Variants in PRKN observed in about 807,000 individuals in gnomAD.
PRKN encodes E3 ubiquitin-protein ligase parkin.
A neutral mutation model predicts 59.5 loss-of-function variants in PRKN; 56 were observed. The ratio of observed to expected loss-of-function variants is 0.94; its 90% CI spans 0.76 to 1.18. PRKN has a LOEUF of 1.18. Among genes scored for constraint, PRKN ranks in the 50% most tolerant of loss-of-function variants. PRKN has a pLI of 0.00. For synonymous variants in PRKN, 250 were observed against 222.1 expected, an observed-to-expected ratio of 1.13 and a Z score of -1.12; for missense variants, 657 against 596.4, an observed-to-expected ratio of 1.10 and a Z score of -1.06.
chr6:162,240,513 T>C (rs1562606297), intron 3 of PRKN, among the ~76,000 whole-genome samples: 1 of 152,176 alleles, frequency 6.6e-6, no homozygotes, highest in East Asian at 1.9e-4. Flanking sequence ...TTATTTCTAT[T>C]TTGAAAAATT....
At chr6:162,390,375 G>GTATATATATATATATATATATATATATA (rs369827763) in intron 2 of PRKN, among the ~76,000 whole-genome samples, 22 of 98,798 alleles carry the variant, frequency 2.2e-4, no homozygotes, top group South Asian at 3.2e-4. Flanking sequence ...TACTGCTAAG[G>GTATATATATATATATATATATATATATA]TATATATATA....
At chr6:161,971,747 C>CATTTTA (rs1780816529) in intron 6 of PRKN, among the ~76,000 whole-genome samples, 2 of 152,144 alleles carry the variant, frequency 1.3e-5, no homozygotes, top group Admixed American at 1.3e-4. Flanking sequence ...TATTAATCAA[C>CATTTTA]ATTTTAATTT....
In PRKN at chr6:161,396,416, C is replaced by A. The variant is rs1377283952; in HGVS notation, c.1084-9539G>T. Among the ~76,000 whole-genome samples, 1 of 152,166 alleles carries A rather than the reference C, an allele frequency of 6.6e-6. No individual in the cohort carries two copies. Among genetic ancestry groups the A allele is most frequent in the Non-Finnish European group, 1.5e-5 (1 of 68,028 alleles). On this transcript the variant is annotated intron_variant, in intron 9 of 11. Transcript: ENST00000366898. The surrounding 1 kb of genome is among the most constrained non-coding windows in gnomAD (Gnocchi z 5.4). ...CTGCCCAATTTTGCTTTAAAATGAG[C>A]ATTTCTCAGACCTTATGGAGCAGTT...
chr6:161,420,071 T>C lies in PRKN; in HGVS notation c.1084-33194A>G, dbSNP rs183738692. On this transcript the variant is annotated intron_variant, in intron 9 of 11. Coordinates refer to ENST00000366898, the MANE Select transcript of PRKN (RefSeq NM_004562.3). ...GGCTAACACGGTGAAACCCCGTCTC[T>C]ACTAAAAATACAAAAAATTAGCTGG... Among the ~76,000 whole-genome samples, 89 of 151,910 alleles carry C rather than the reference T, an allele frequency of 5.9e-4. 3 individuals carry two copies. In the East Asian group the frequency reaches 0.017, roughly 28 times the overall value.
At chr6:161,507,695 G>A (rs1778226071) in intron 9 of PRKN, among the ~76,000 whole-genome samples, 1 of 151,898 alleles carries the variant, frequency 6.6e-6, no homozygotes, top group Non-Finnish European at 1.5e-5. Context: ...TGCTCCTGAT[G>A]GTACCATGCA....
chr6:161,430,023 G>A (rs1205750083), intron 9 of PRKN, among the ~76,000 whole-genome samples: 1 of 152,156 alleles, frequency 6.6e-6, no homozygotes, highest in Non-Finnish European at 1.5e-5. Flanking sequence ...TTCTCACAGG[G>A]TGGTTTGAAA....
intron 7 of PRKN, among the ~76,000 whole-genome samples, chr6:161,724,842 T>C (rs1225322347): frequency 6.6e-6 from 1 of 152,118 alleles, no homozygotes; most frequent in Non-Finnish European, 1.5e-5. Context: ...TCATGTTGAA[T>C]TGTAATCCCC....
At chr6:162,341,159 C>G (rs1784158877) in intron 2 of PRKN, among the ~76,000 whole-genome samples, 1 of 152,098 alleles carries the variant, frequency 6.6e-6, no homozygotes, top group South Asian at 2.1e-4. Context: ...TGAAAAAAAG[C>G]TCATCATCAC....
chr6:162,384,126 C>T (rs759594611), intron 2 of PRKN, among the ~76,000 whole-genome samples: 24 of 152,336 alleles, frequency 1.6e-4, no homozygotes, highest in Non-Finnish European at 3.2e-4. Context: ...TATGTGTTCA[C>T]TGGAGTAGCA....
At chr6:161,537,805 C>A (rs950449606) in intron 9 of PRKN, among the ~76,000 whole-genome samples, 3 of 152,140 alleles carry the variant, frequency 2.0e-5, no homozygotes, top group Non-Finnish European at 4.4e-5. Context: ...TGTAAGAATT[C>A]TTTAGGCATA....
chr6:162,348,776 C>T (rs1055132826), intron 2 of PRKN, among the ~76,000 whole-genome samples: 1 of 151,712 alleles, frequency 6.6e-6, no homozygotes, highest in African/African-American at 2.4e-5. Flanking sequence ...TTACCCAATA[C>T]TGAAGTAAAA....
At chr6:162,432,857 G>A (rs1789603088) in intron 2 of PRKN, among the ~76,000 whole-genome samples, 1 of 152,104 alleles carries the variant, frequency 6.6e-6, no homozygotes, top group Non-Finnish European at 1.5e-5. Context: ...TGAATGGTAA[G>A]TACTCCTGCA....
At chr6:161,898,767 G>A (rs1265479568) in intron 6 of PRKN, among the ~76,000 whole-genome samples, 1 of 152,182 alleles carries the variant, frequency 6.6e-6, no homozygotes, top group African/African-American at 2.4e-5. Context: ...TAATTTTGGT[G>A]ATTCCCCCTC....
Position 161,549,138 on chromosome 6 carries a change from GTGTA to G in PRKN, c.934-139_934-136del, listed in dbSNP as rs2115427378. 3.6e-6 allele frequency: 3 copies of G among 823,772 alleles called. No individual in the cohort carries two copies. Among genetic ancestry groups the G allele is most frequent in the Non-Finnish European group, 5.8e-6 (3 of 515,346 alleles). 51.0% of individuals were successfully genotyped at this position (823,772 alleles called of 1,614,324 possible). A position where few individuals can be genotyped will look rare whatever the true frequency, so the allele number is the denominator to read the frequency against. ...AATGCATGTGTGTGTGTGTGTGTGT[GTGTA>G]GGGGGAGGGAGAGGGCCACGGGGTT... On this transcript the variant is annotated intron_variant, in intron 8 of 11. Coordinates refer to ENST00000366898, the MANE Select transcript of PRKN (RefSeq NM_004562.3). This position sits in a 1 kb window ranked among gnomAD's most constrained non-coding sequence, Gnocchi z 6.0.
At chr6:162,097,623 A>T (rs1449456366) in intron 4 of PRKN, among the ~76,000 whole-genome samples, 1 of 152,136 alleles carries the variant, frequency 6.6e-6, no homozygotes, top group Non-Finnish European at 1.5e-5. Flanking sequence ...CAGTGGTTCC[A>T]CCTTGCATGG....
chr6:162,626,416 C>T (rs1782896963), intron 1 of PRKN, among the ~76,000 whole-genome samples: 1 of 152,128 alleles, frequency 6.6e-6, no homozygotes. Flanking sequence ...GAGAATGACT[C>T]TCGAATTAAT....
intron 2 of PRKN, among the ~76,000 whole-genome samples, chr6:162,431,597 G>C (rs16893831): frequency 0.025 from 3,757 of 151,966 alleles, 170 homozygotes; most frequent in African/African-American, 0.084. Flanking sequence ...CTATTTATAG[G>C]TTAAACACTC....
Position 161,407,042 on chromosome 6 carries a change from ATTAAGAT to A in PRKN, c.1084-20172_1084-20166del, listed in dbSNP as rs1164519436. ...CAAAATGGGACTTCAGAGAAATTTA[ATTAAGAT>A]TTATTTCAAATTAAGATCACCAAAT... On this transcript the variant is annotated intron_variant, in intron 9 of 11. Transcript: ENST00000366898. This position sits in a 1 kb window ranked among gnomAD's most constrained non-coding sequence, Gnocchi z 4.9. 6.6e-6 allele frequency among the ~76,000 whole-genome samples: 1 copy of A among 152,184 alleles called. No individual in the cohort carries two copies. The highest frequency in any genetic ancestry group is 1.9e-4 in the East Asian group (1 of 5,200).
chr6:162,318,516 C>T (rs1782842763), intron 2 of PRKN, among the ~76,000 whole-genome samples: 1 of 152,042 alleles, frequency 6.6e-6, no homozygotes, highest in African/African-American at 2.4e-5. Context: ...ATCTATATTT[C>T]AGTTGTGTGG....
Sources: gnomAD v4.1 joint callset for allele counts (sites outside exome capture counted in the v4.1 genomes callset) on GRCh38, gnomAD v4.1.1 for gene constraint, Gnocchi (gnomAD v3.1) non-coding constraint, MANE v1.5 for transcripts, NCBI Gene and HGNC (gene_info 2026-07-23, HGNC 2026-07-21) for gene names.